Variants in HMCN1 observed in about 807,000 individuals in gnomAD.
The protein encoded by HMCN1 is hemicentin-1.
A neutral mutation model predicts 625.9 loss-of-function variants in HMCN1; 321 were observed. The ratio of observed to expected loss-of-function variants is 0.51; its 90% CI spans 0.47 to 0.56. The LOEUF is 0.56. Among genes scored for constraint, HMCN1 ranks in the 20% least tolerant of loss-of-function variants. HMCN1 has a pLI of 0.00. For missense variants in HMCN1, 6,588 were observed against 6,887.3 expected, an observed-to-expected ratio of 0.96 and a Z score of 1.54; for synonymous variants, 2,425 against 2,417.6, an observed-to-expected ratio of 1.00 and a Z score of -0.09.
chr1:185,894,635 A>G (rs1665377830), intron 4 of HMCN1, among the ~76,000 whole-genome samples: 1 of 152,124 alleles, frequency 6.6e-6, no homozygotes, highest in South Asian at 2.1e-4. Context: ...TGGCTGTTCT[A>G]CCTCTGCACC....
At chr1:186,073,069 G>A (rs905431435) in intron 52 of HMCN1, among the ~76,000 whole-genome samples, 5 of 152,138 alleles carry the variant, frequency 3.3e-5, no homozygotes, top group Non-Finnish European at 7.4e-5. Flanking sequence ...TGTGTAGGAA[G>A]GAGATCAAAT....
At chr1:186,011,556 C>A (rs552127324) in intron 30 of HMCN1, among the ~76,000 whole-genome samples, 20 of 152,268 alleles carry the variant, frequency 1.3e-4, no homozygotes, top group African/African-American at 4.1e-4. Flanking sequence ...AGGTGGAAAG[C>A]CCTCACTTTC....
At chr1:185,781,152 T>C (rs2102173640) in intron 1 of HMCN1, among the ~76,000 whole-genome samples, 1 of 152,346 alleles carries the variant, frequency 6.6e-6, no homozygotes, top group Middle Eastern at 3.4e-3. Context: ...GTTTATAGTA[T>C]TCTCTGATGG....
intron 10 of HMCN1, among the ~76,000 whole-genome samples, chr1:185,933,022 C>G (rs1667631969): frequency 6.6e-6 from 1 of 151,930 alleles, no homozygotes; most frequent in African/African-American, 2.4e-5. Flanking sequence ...TACTGTTCAC[C>G]TGAACTTCAT....
At chr1:185,768,273 A>G (rs1362378893) in intron 1 of HMCN1, among the ~76,000 whole-genome samples, 4 of 152,214 alleles carry the variant, frequency 2.6e-5, no homozygotes, top group Non-Finnish European at 5.9e-5. Context: ...GAATATTTTC[A>G]TGTTTTGATT....
At chr1:186,073,840 G>A (rs1271451619) in intron 52 of HMCN1, among the ~76,000 whole-genome samples, 2 of 151,962 alleles carry the variant, frequency 1.3e-5, no homozygotes, top group Non-Finnish European at 2.9e-5. Flanking sequence ...ACTAGGAAGT[G>A]ATAGTCACCA....
In HMCN1 at chr1:185,944,557, C is replaced by T. The variant is rs991743897; in HGVS notation, c.1828+10733C>T. Among the ~76,000 whole-genome samples the T allele has an allele frequency of 2.6e-5, 4 of 152,312 alleles. No homozygotes were observed. In the East Asian group the frequency reaches 5.8e-4, roughly 22 times the overall value. ...GTGTAATCACAGCTCAATTTTAATT[C>T]CCTACCACTCTTACTCCTCCTTTCT... On this transcript the variant is annotated intron_variant, in intron 11 of 106. Transcript: ENST00000271588.
At chr1:185,870,883 C>G (rs75338854) in intron 4 of HMCN1, among the ~76,000 whole-genome samples, 7,085 of 152,132 alleles carry the variant, frequency 0.047, 577 homozygotes, top group African/African-American at 0.16. Context: ...TGGTGCCTTT[C>G]ATTTTCCCAA....
intron 67 of HMCN1, among the ~76,000 whole-genome samples, chr1:186,094,851 C>G (rs150650098): frequency 6.6e-6 from 1 of 152,196 alleles, no homozygotes; most frequent in African/African-American, 2.4e-5. Flanking sequence ...AGTTAAGTAA[C>G]GCTTTATTGT....
At chr1:185,827,574 G>C (rs1480283741) in intron 1 of HMCN1, among the ~76,000 whole-genome samples, 1 of 151,988 alleles carries the variant, frequency 6.6e-6, no homozygotes, top group African/African-American at 2.4e-5. Flanking sequence ...AAATGAAAGA[G>C]AAATTTAAGA....
intron 35 of HMCN1, 132 bp downstream of exon 35, chr1:186,019,827 G>T: frequency 1.5e-6 from 1 of 659,614 alleles, no homozygotes; most frequent in Admixed American, 3.2e-5. Flanking sequence ...AAAATAATAT[G>T]CATTTTTCTT....
intron 100 of HMCN1, among the ~76,000 whole-genome samples, chr1:186,169,755 C>G (rs1241133620): frequency 6.6e-6 from 1 of 152,154 alleles, no homozygotes; most frequent in Non-Finnish European, 1.5e-5. Context: ...CAATACCATT[C>G]AGGACACAGG....
intron 1 of HMCN1, among the ~76,000 whole-genome samples, chr1:185,747,124 A>G (rs1654462357): frequency 6.6e-6 from 1 of 151,850 alleles, no homozygotes; most frequent in African/African-American, 2.4e-5. Context: ...CAAAACTCTA[A>G]CTCTTTTACT....
chr1:186,172,946 G>A (rs1652324878), intron 102 of HMCN1, among the ~76,000 whole-genome samples: 2 of 152,224 alleles, frequency 1.3e-5, no homozygotes, highest in African/African-American at 2.4e-5. Flanking sequence ...TCATGAAAAT[G>A]ATCACATTTA....
At chr1:185,758,259 A>T (rs927760765) in intron 1 of HMCN1, among the ~76,000 whole-genome samples, 2 of 152,182 alleles carry the variant, frequency 1.3e-5, no homozygotes, top group African/African-American at 4.8e-5. Flanking sequence ...TATGACTTTT[A>T]AAAAAATTAT....
At chr1:185,799,865 G>A (rs538277786) in intron 1 of HMCN1, among the ~76,000 whole-genome samples, 5 of 152,290 alleles carry the variant, frequency 3.3e-5, no homozygotes, top group South Asian at 4.1e-4. Flanking sequence ...TCAGGTGATG[G>A]GTGGGGCTAT....
chr1:185,944,685 G>A (rs1007907204), intron 11 of HMCN1, among the ~76,000 whole-genome samples: 4 of 152,178 alleles, frequency 2.6e-5, no homozygotes, highest in Non-Finnish European at 5.9e-5. Flanking sequence ...GGAGGAGAGG[G>A]AGCTGTAAAT....
At chr1:185,946,989 G>A (rs1668381140) in intron 11 of HMCN1, among the ~76,000 whole-genome samples, 1 of 152,108 alleles carries the variant, frequency 6.6e-6, no homozygotes, top group Non-Finnish European at 1.5e-5. Flanking sequence ...CCCTGAAACT[G>A]TTGCTCTTCT....
At position 186,053,909 on chromosome 1, in the gene HMCN1, C is replaced by T; in HGVS notation, c.6785C>T (p.Ser2262Phe). Residue 2262 changes from serine (S) to phenylalanine (F), a missense_variant, in exon 44 of 107, where the codon TCT becomes TTT. By Grantham distance (155) the Ser-to-Phe change is radical. Transcript: ENST00000271588. ...RQLQISIAEKSDAALYSCVAS... is the reference protein window; with the variant it reads ...RQLQISIAEKFDAALYSCVAS... ...TTACAAATTTCAATTGCTGAAAAGTCTGATGCAGCACTCTATTCATGTGTG... is the reference window on the plus strand; with the variant it reads ...TTACAAATTTCAATTGCTGAAAAGTTTGATGCAGCACTCTATTCATGTGTG... 1 of 1,612,704 alleles carries T rather than the reference C, an allele frequency of 6.2e-7. No homozygotes were observed. The highest frequency in any genetic ancestry group is 8.5e-7 in the Non-Finnish European group (1 of 1,179,196).
Sources: allele counts gnomAD v4.1 joint callset (sites outside exome capture counted in the v4.1 genomes callset), GRCh38; gene constraint gnomAD v4.1.1; transcripts MANE v1.5; gene names NCBI Gene and HGNC (gene_info 2026-07-23, HGNC 2026-07-21).